The following NLGN4Y variants were observed in gnomAD, a reference collection of about 807,000 sequenced individuals.
NLGN4Y encodes the protein neuroligin 4 Y-linked.
NLGN4Y carries 4 observed loss-of-function variants against 8.4 expected under a neutral mutation model. That is an observed-to-expected ratio of 0.48 (90% confidence interval 0.23 to 1.09). NLGN4Y has a LOEUF of 1.09. NLGN4Y is among the 50% of genes least tolerant of loss of function. The pLI, the probability that NLGN4Y is intolerant of heterozygous loss-of-function variation, is 0.19. For missense variants in NLGN4Y, 90 were observed against 192.3 expected (o/e 0.47, Z 3.15); for synonymous variants, 35 against 75.6 (o/e 0.46, Z 2.78).
chrY:14,590,631 G>A, intron 1 of NLGN4Y, among the ~76,000 whole-genome samples: 1 of 33,480 alleles, frequency 3.0e-5, no homozygotes, highest in African/African-American at 1.2e-4. Context: ...AAAATACAGG[G>A]CCCAAAGGCG....
intron 4 of NLGN4Y, 61 bp from the exon 5 acceptor site, chrY:14,824,127 A>G: frequency 2.9e-6 from 1 of 350,740 alleles, no homozygotes; most frequent in South Asian, 3.2e-5. Context: ...TAACTTTTCA[A>G]ATGGTGGGGA....
At chrY:14,755,031 T>C in intron 4 of NLGN4Y, among the ~76,000 whole-genome samples, 1 of 33,531 alleles carries the variant, frequency 3.0e-5, no homozygotes, top group Admixed American at 2.8e-4. Context: ...TTACATGTTC[T>C]TTCAGTAACT....
At chrY:14,650,711 G>A in intron 2 of NLGN4Y, among the ~76,000 whole-genome samples, 1 of 32,559 alleles carries the variant, frequency 3.1e-5, no homozygotes, top group Admixed American at 2.9e-4. Flanking sequence ...TGTTGTGTCA[G>A]CCAGGGTCCT....
Position 14,842,135 on chromosome Y carries a change from T to C in NLGN4Y, c.*873T>C. The C allele has an allele frequency of 8.3e-6, 1 of 120,492 alleles. No homozygotes were observed. 30.1% of individuals were successfully genotyped at this position (120,492 alleles called of 400,897 possible). ...GAAGACTCAGAAGTTTTGTGTGGCC[T>C]ATTTCTCCCTGTCAGGTTGCACAGA... On this transcript the variant is annotated 3_prime_UTR_variant, in exon 7 of 7. Coordinates refer to ENST00000684976, the MANE Select transcript of NLGN4Y (RefSeq NM_001365588.1).
intron 4 of NLGN4Y, among the ~76,000 whole-genome samples, chrY:14,797,364 T>G (rs2150582193): frequency 6.9e-5 from 2 of 28,980 alleles, no homozygotes; most frequent in South Asian, 8.7e-4. Flanking sequence ...TGGCGCGATC[T>G]CAGCTCACTG....
chrY:14,783,353 A>G, intron 4 of NLGN4Y, among the ~76,000 whole-genome samples: 1 of 33,259 alleles, frequency 3.0e-5, no homozygotes, highest in Non-Finnish European at 7.4e-5. Context: ...AACAGGAAAA[A>G]TAAAATTATA....
At chrY:14,730,987 ATG>A (rs1248863150) in intron 4 of NLGN4Y, among the ~76,000 whole-genome samples, 420 of 15,629 alleles carry the variant, frequency 0.027, no homozygotes, top group East Asian at 0.14. Flanking sequence ...GAACCAAATT[ATG>A]TGTGTGTGTG....
chrY:14,777,702 G>A (rs943300468), intron 4 of NLGN4Y, among the ~76,000 whole-genome samples: 15 of 29,895 alleles, frequency 5.0e-4, no homozygotes, highest in African/African-American at 1.1e-3. Context: ...AGAAATTGCC[G>A]TGGTTCATGG....
intron 2 of NLGN4Y, among the ~76,000 whole-genome samples, chrY:14,702,370 T>A (rs1603502868): frequency 6.4e-5 from 2 of 31,230 alleles, no homozygotes; most frequent in Non-Finnish European, 1.5e-4. Flanking sequence ...TGTCCATGTG[T>A]TCTCATTGTT....
At chrY:14,761,523 C>T (rs748873158) in intron 4 of NLGN4Y, among the ~76,000 whole-genome samples, 1 of 34,116 alleles carries the variant, frequency 2.9e-5, no homozygotes, top group East Asian at 7.9e-4. Flanking sequence ...CCAGTGTTAA[C>T]AACACACATG....
At chrY:14,670,607 C>A (rs2080706871) in intron 2 of NLGN4Y, among the ~76,000 whole-genome samples, 1 of 33,057 alleles carries the variant, frequency 3.0e-5, no homozygotes, top group Admixed American at 2.8e-4. Flanking sequence ...CTTTTGCTTC[C>A]AGGAACCTAT....
At chrY:14,644,324 C>T in intron 2 of NLGN4Y, among the ~76,000 whole-genome samples, 2 of 31,705 alleles carry the variant, frequency 6.3e-5, no homozygotes, top group Admixed American at 6.1e-4. Flanking sequence ...AGTATGTATC[C>T]GAGACTGAGA....
chrY:14,819,267 A>G (rs2043114266), intron 4 of NLGN4Y, among the ~76,000 whole-genome samples: 1 of 33,312 alleles, frequency 3.0e-5, no homozygotes, highest in Non-Finnish European at 7.4e-5. Context: ...CTGTTATTCT[A>G]TCATTTACTT....
intron 2 of NLGN4Y, among the ~76,000 whole-genome samples, chrY:14,657,114 G>A (rs2080656468): frequency 3.1e-5 from 1 of 32,667 alleles, no homozygotes; most frequent in African/African-American, 1.2e-4. Context: ...TGAAGATTGT[G>A]GAAAGGATTT....
intron 1 of NLGN4Y, among the ~76,000 whole-genome samples, chrY:14,564,882 C>T (rs557534344): frequency 2.5e-3 from 84 of 33,333 alleles, no homozygotes; most frequent in African/African-American, 9.0e-3. Flanking sequence ...CTGCTGATGA[C>T]ACCCAGGCAA....
chrY:14,813,020 A>T (rs2043088521), intron 4 of NLGN4Y, among the ~76,000 whole-genome samples: 1 of 26,521 alleles, frequency 3.8e-5, no homozygotes, highest in Non-Finnish European at 8.7e-5. Flanking sequence ...CTGCTCCATC[A>T]CATAATATAG....
chrY:14,554,431 G>A, intron 1 of NLGN4Y, among the ~76,000 whole-genome samples: 1 of 31,222 alleles, frequency 3.2e-5, no homozygotes, highest in Admixed American at 3.0e-4. Context: ...GGCTGGTCTC[G>A]AACTTCTGGC....
intron 1 of NLGN4Y, among the ~76,000 whole-genome samples, chrY:14,539,617 A>G: frequency 3.7e-5 from 1 of 27,194 alleles, no homozygotes. Flanking sequence ...TCTTCCTTGT[A>G]AATTGTGCAT....
At chrY:14,678,797 A>G in intron 2 of NLGN4Y, among the ~76,000 whole-genome samples, 2 of 33,526 alleles carry the variant, frequency 6.0e-5, no homozygotes, top group African/African-American at 2.3e-4. Flanking sequence ...TGAGGCTGCA[A>G]GCTTCAGCAT....
Sources: gnomAD v4.1 joint callset for allele counts (sites outside exome capture counted in the v4.1 genomes callset) on GRCh38, gnomAD v4.1.1 for gene constraint, MANE v1.5 for transcripts, NCBI Gene and HGNC (gene_info 2026-07-23, HGNC 2026-07-21) for gene names.